The following TRIOBP variants were observed in gnomAD, a reference collection of about 807,000 sequenced individuals.
TRIOBP encodes TRIO and F-actin binding protein, also known as TRIO and F-actin-binding protein.
A neutral mutation model predicts 238.8 loss-of-function variants in TRIOBP; 169 were observed. The ratio of observed to expected loss-of-function variants is 0.71; its 90% CI spans 0.62 to 0.80. The LOEUF is 0.80. Ranked by LOEUF, TRIOBP falls within the 30% of genes least tolerant of loss-of-function variation. TRIOBP has a pLI of 0.00. For missense variants in TRIOBP, 2,838 were observed against 3,122.6 expected (o/e 0.91, Z 2.17); for synonymous variants, 1,150 against 1,274.4 (o/e 0.90, Z 2.08).
rs748269563 is a variant in TRIOBP at position 37,740,977 on chromosome 22, G to A, written c.5267G>A (p.Arg1756Gln). The change falls in exon 11 of 24, where the codon CGG (arginine) becomes CAG (glutamine). Residue 1756 changes from arginine (R) to glutamine (Q), a missense_variant. Physicochemically the swap from Arg to Gln is conservative, Grantham distance 43. Transcript: ENST00000644935. ...LVTSWRMPGD[R>Q]PTLFNPFLLS... ...ACCTCATGGCGGATGCCCGGGGACC[G>A]GCCCACGCTGTTCAATCCGTTCCTG... The A allele has an allele frequency of 1.9e-5, 30 of 1,560,424 alleles. No individual in the cohort carries two copies. Among genetic ancestry groups the A allele is most frequent in the South Asian group, 1.7e-4 (14 of 84,654 alleles).
chr22:37,723,120 A>C (rs1923918272), intron 6 of TRIOBP, 65 bp from the exon 7 acceptor site: 24 of 1,560,614 alleles, frequency 1.5e-5, no homozygotes, highest in Non-Finnish European at 2.0e-5. Flanking sequence ...GGGACAAAGA[A>C]AGGTAGAATA....
At position 37,725,273 on chromosome 22, in the gene TRIOBP, G is replaced by C; in HGVS notation, c.2717G>C (p.Trp906Ser). ...CATCGTACTAACAAAGACATCCCCTGGGCCTCGTTTCCCCTCCGGCCAACT... is the reference window on the plus strand; with the variant it reads ...CATCGTACTAACAAAGACATCCCCTCGGCCTCGTTTCCCCTCCGGCCAACT... ...SPHRTNKDIP[W>S]ASFPLRPTQS... The change falls in exon 7 of 24, where the codon TGG becomes TCG. Residue 906 changes from tryptophan (W) to serine (S), a missense_variant. Physicochemically the swap from Trp to Ser is radical, Grantham distance 177. This residue lies in a region of TRIOBP where 2,096 missense variants were observed against 2,137.4 expected (regional missense o/e 0.98). Coordinates refer to ENST00000644935, the MANE Select transcript of TRIOBP (RefSeq NM_001039141.3). 1 of 1,613,932 alleles carries C rather than the reference G, an allele frequency of 6.2e-7. No individual in the cohort carries two copies. The highest frequency in any genetic ancestry group is 1.1e-5 in the South Asian group (1 of 91,076).
intron 14 of TRIOBP, 168 bp downstream of exon 14, chr22:37,755,358 C>T (rs911461760): frequency 1.1e-6 from 1 of 917,066 alleles, no homozygotes; most frequent in African/African-American, 1.6e-5. Flanking sequence ...CTTAGCATAT[C>T]TGGGGGAGAC....
At position 37,741,048 on chromosome 22, in the gene TRIOBP, T is replaced by C; in HGVS notation, c.5322+16T>C. 2 of 1,547,704 alleles carry C rather than the reference T, an allele frequency of 1.3e-6. No homozygotes were observed. Among genetic ancestry groups the C allele is most frequent in the African/African-American group, 1.4e-5 (1 of 70,692 alleles). ...GTGGCGAAGGGTAGGCTGGCTCCAG[T>C]GGGGACTGGAGGGGTGAGGGTGGAT... On this transcript the variant is annotated intron_variant, in intron 11 of 23. Transcript: ENST00000644935.
intron 3 of TRIOBP, 82 bp from the exon 4 acceptor site, chr22:37,710,345 A>G: frequency 3.8e-6 from 6 of 1,590,778 alleles, no homozygotes; most frequent in Non-Finnish European, 5.1e-6. Context: ...GGAGACTCCC[A>G]CGCCACCGGG....
chr22:37,705,459 G>C (rs566634565), intron 3 of TRIOBP, among the ~76,000 whole-genome samples: 6 of 152,208 alleles, frequency 3.9e-5, no homozygotes, highest in Admixed American at 3.3e-4. Context: ...CAGGCAAGAG[G>C]GGGGCACAGA....
intron 4 of TRIOBP, 106 bp downstream of exon 4, chr22:37,710,672 G>A (rs1186062403): frequency 6.9e-7 from 1 of 1,450,700 alleles, no homozygotes; most frequent in Admixed American, 2.1e-5. Context: ...AATGGCTGCT[G>A]GCATGGGTCA....
chr22:37,755,702 C>CCA, intron 15 of TRIOBP, 43 bp downstream of exon 15: 1 of 1,568,932 alleles, frequency 6.4e-7, no homozygotes, highest in Non-Finnish European at 8.8e-7. Context: ...AGGCACTTAC[C>CCA]CTTGCGTCCC....
At position 37,773,013 on chromosome 22, in the gene TRIOBP, A is replaced by G. The variant is rs762985; in HGVS notation, c.*2+249A>G. 0.97 allele frequency among the ~76,000 whole-genome samples: 147,622 copies of G among 152,344 alleles called. 71,559 individuals are homozygous for G. The highest frequency in any genetic ancestry group is 1 in the East Asian group (5,178 of 5,180). Reference sequence around the variant, plus strand: ...GCGGCACAGTGCAGAGCCACAGCCTACTCAGTGCACCCCCCTTCTTGGGGC... The same window carrying G: ...GCGGCACAGTGCAGAGCCACAGCCTGCTCAGTGCACCCCCCTTCTTGGGGC... On this transcript the variant is annotated intron_variant, in intron 23 of 23. Transcript: ENST00000644935.
rs762620043 is a variant in TRIOBP, at chr22:37,725,105, A to G, written c.2549A>G (p.Gln850Arg). The change falls in exon 7 of 24, where the codon CAG becomes CGG. Residue 850 changes from glutamine (Q) to arginine (R), a missense_variant. By Grantham distance (43) the Gln-to-Arg change is conservative. This residue lies in a region of TRIOBP where 2,096 missense variants were observed against 2,137.4 expected (regional missense o/e 0.98). Transcript: ENST00000644935. ...GATAACCTCAGACCCACTTGTACAC[A>G]GCGGGACCGCACACAGTCCTTTTCC... ...KRDNLRPTCT[Q>R]RDRTQSFSFQ... The G allele has an allele frequency of 6.8e-6, 11 of 1,614,068 alleles. No homozygotes were observed. Among genetic ancestry groups the G allele is most frequent in the Non-Finnish European group, 8.5e-6 (10 of 1,180,034 alleles).
chr22:37,763,645 ATAATT>A (rs1266895620), intron 17 of TRIOBP, among the ~76,000 whole-genome samples: 1 of 152,226 alleles, frequency 6.6e-6, no homozygotes, highest in Non-Finnish European at 1.5e-5. Context: ...ATTTTCAAAA[ATAATT>A]TAAACAAATT....
At chr22:37,745,697 C>G (rs1235987209) in intron 11 of TRIOBP, among the ~76,000 whole-genome samples, 1 of 152,156 alleles carries the variant, frequency 6.6e-6, no homozygotes, top group African/African-American at 2.4e-5. Context: ...CTCTGAGCCT[C>G]CGTTTTCTCA....
chr22:37,713,060 T>A, intron 4 of TRIOBP, 150 bp from the exon 5 acceptor site: 2 of 624,636 alleles, frequency 3.2e-6, no homozygotes, highest in Non-Finnish European at 5.5e-6. Context: ...ATATAAAAAG[T>A]CTGACACAGA....
Position 37,765,850 on chromosome 22 carries a change from G to A in TRIOBP, c.6472+33G>A, listed in dbSNP as rs115232053. On this transcript the variant is annotated intron_variant, in intron 18 of 23. Coordinates refer to ENST00000644935, the MANE Select transcript of TRIOBP (RefSeq NM_001039141.3). ...CCCTGGGGGGGGCACAGTGGGCTGGGCTCTGAGCCTCTGTGCTGAGGTTCC... is the reference window on the plus strand; with the variant it reads ...CCCTGGGGGGGGCACAGTGGGCTGGACTCTGAGCCTCTGTGCTGAGGTTCC... 1.4e-3 allele frequency: 2,152 copies of A among 1,574,344 alleles called. 32 individuals are homozygous for A. The African/African-American group carries it at 0.027, about 20-fold the overall frequency.
chr22:37,770,444 C>A (rs1340372402), intron 21 of TRIOBP, among the ~76,000 whole-genome samples: 3 of 61,438 alleles, frequency 4.9e-5, no homozygotes, highest in African/African-American at 2.0e-4. Flanking sequence ...AGCGAGACTC[C>A]GTCTCAAAAA....
In TRIOBP at chr22:37,749,332, G is replaced by T. The variant is rs1275994357; in HGVS notation, c.5323-2440G>T. Among the ~76,000 whole-genome samples, 2 of 152,182 alleles carry T rather than the reference G, an allele frequency of 1.3e-5. 1 individual carries two copies. The highest frequency in any genetic ancestry group is 1.3e-4 in the Admixed American group (2 of 15,272). On this transcript the variant is annotated intron_variant, in intron 11 of 23. Transcript: ENST00000644935. The stretch of plus-strand genomic sequence containing the variant: ...ATGGCGCCATTGCACTCCAGCCTGG[G>T]CAGCAGAGACTCTGTCTCAAAAATA...
chr22:37,775,716 G>C lies in TRIOBP; in HGVS notation c.*1936G>C, dbSNP rs1202451114. The C allele has an allele frequency of 6.6e-6, 1 of 152,190 alleles. No individual in the cohort carries two copies. The highest frequency in any genetic ancestry group is 1.5e-5 in the Non-Finnish European group (1 of 68,078). The allele number at this position is 152,190 out of a possible 1,614,324, so 9.4% of individuals were successfully genotyped here. A position where few individuals can be genotyped will look rare whatever the true frequency, so the allele number is the denominator to read the frequency against. ...GCAGGAGAATCACTTGAACCCAGGAGGCAGAAGTTGCAGTGAGCCAAGATC... is the reference window on the plus strand; with the variant it reads ...GCAGGAGAATCACTTGAACCCAGGACGCAGAAGTTGCAGTGAGCCAAGATC... On this transcript the variant is annotated 3_prime_UTR_variant, in exon 24 of 24. Coordinates refer to ENST00000644935, the MANE Select transcript of TRIOBP (RefSeq NM_001039141.3).
intron 18 of TRIOBP, 95 bp downstream of exon 18, chr22:37,765,912 T>G: frequency 6.9e-7 from 1 of 1,448,918 alleles, no homozygotes; most frequent in Non-Finnish European, 9.2e-7. Context: ...TCAAATAAGA[T>G]GTAGGGGTCT....
rs1246913913 is a variant in TRIOBP at position 37,725,084 on chromosome 22, A to G, written c.2528A>G (p.Asn843Ser). The G allele has an allele frequency of 6.2e-7, 1 of 1,614,166 alleles. No individual in the cohort carries two copies. The highest frequency in any genetic ancestry group is 8.5e-7 in the Non-Finnish European group (1 of 1,180,020). ...NPKTSCTKRD[N>S]LRPTCTQRDR... The stretch of plus-strand genomic sequence containing the variant: ...AAAACCTCTTGTACCAAACGAGATA[A>G]CCTCAGACCCACTTGTACACAGCGG... The change falls in exon 7 of 24, where the codon AAC (asparagine) becomes AGC (serine). Residue 843 changes from asparagine (N) to serine (S), a missense_variant. Physicochemically the swap from Asn to Ser is conservative, Grantham distance 46. Around this residue, in one of 5 missense-constraint regions of TRIOBP, gnomAD observed 2,096 missense variants for 2,137.4 expected, o/e 0.98. Coordinates refer to ENST00000644935, the MANE Select transcript of TRIOBP (RefSeq NM_001039141.3).
Sources: gnomAD v4.1 joint callset for allele counts (sites outside exome capture counted in the v4.1 genomes callset) on GRCh38, gnomAD v4.1.1 for gene constraint, gnomAD v4.1.1 regional missense constraint, MANE v1.5 for transcripts, NCBI Gene and HGNC (gene_info 2026-07-23, HGNC 2026-07-21) for gene names.